The following C1GALT1 variants were observed in gnomAD, a reference collection of about 807,000 sequenced individuals.
The protein encoded by C1GALT1 is core 1 synthase, glycoprotein-N-acetylgalactosamine 3-beta-galactosyltransferase 1, also known as glycoprotein-N-acetylgalactosamine 3-beta-galactosyltransferase 1.
Under a neutral mutation model 31.0 loss-of-function variants are expected in C1GALT1, and 11 were observed. The ratio of observed to expected loss-of-function variants is 0.36; its 90% CI spans 0.22 to 0.59. The LOEUF (loss-of-function observed/expected upper bound fraction) is 0.59. C1GALT1 is among the 20% of genes least tolerant of loss of function. C1GALT1 has a pLI of 0.79. For missense variants in C1GALT1, 424 were observed against 425.2 expected (o/e 1.00, Z 0.03); for synonymous variants, 175 against 143.6 (o/e 1.22, Z -1.56).
At chr7:7,182,353 C>T (rs928478502), upstream of C1GALT1, among the ~76,000 whole-genome samples, 1 of 152,218 alleles carries the variant, frequency 6.6e-6, no homozygotes, top group African/African-American at 2.4e-5. Context: ...GAGTAGCAGA[C>T]ACAAGCCGCA....
chr7:7,207,335 C>CTTTTTTTTTTTTT lies in C1GALT1; in HGVS notation c.-18+24533_-18+24545dup, dbSNP rs57510429. ...TCTCTGTGTTTCTCTTACTCTGTTG[C>CTTTTTTTTTTTTT]TTTTTTTTTTTTTTTTTTTTTTTTT... On this transcript the variant is annotated intron_variant, in intron 1 of 3. Coordinates refer to ENST00000436587, the MANE Select transcript of C1GALT1 (RefSeq NM_020156.5). Among the ~76,000 whole-genome samples, 81 of 48,008 alleles carry CTTTTTTTTTTTTT rather than the reference C, an allele frequency of 1.7e-3. 31 individuals are homozygous for CTTTTTTTTTTTTT. The highest frequency in any genetic ancestry group is 2.3e-3 in the Non-Finnish European group (59 of 26,072). The allele number at this position is 48,008 out of a possible 152,430, so 31.5% of individuals were successfully genotyped here.
In C1GALT1 at chr7:7,247,522, A is replaced by T. The variant is rs1165010828; in HGVS notation, c.*3795A>T. ...ATACAGAATTGGATTTGAGCAGTAA[A>T]TTTGCTAACTGGTTATTTTCACAAT... On this transcript the variant is annotated 3_prime_UTR_variant, in exon 4 of 4. Transcript: ENST00000436587. 6.6e-6 allele frequency: 1 copy of T among 152,106 alleles called. No individual in the cohort carries two copies. Among genetic ancestry groups the T allele is most frequent in the Non-Finnish European group, 1.5e-5 (1 of 67,968 alleles). The allele number at this position is 152,106 out of a possible 1,614,324, so 9.4% of individuals were successfully genotyped here.
rs1175855361 is a variant in C1GALT1, at chr7:7,243,521, T to A, written c.889-3T>A. 1 of 1,585,446 alleles carries A rather than the reference T, an allele frequency of 6.3e-7. No individual in the cohort carries two copies. On this transcript the variant is annotated splice_region_variant and splice_polypyrimidine_tract_variant and intron_variant, in intron 3 of 3. Coordinates refer to ENST00000436587, the MANE Select transcript of C1GALT1 (RefSeq NM_020156.5). ...ACAATACCTGTTTCCACTACTTTTT[T>A]AGGGTCCTGGTTGCTGCTCTGATCT...
intron 1 of C1GALT1, among the ~76,000 whole-genome samples, chr7:7,197,943 G>T (rs1054184619): frequency 1.3e-5 from 2 of 152,148 alleles, no homozygotes; most frequent in African/African-American, 2.4e-5. Context: ...GGGCTGAGAC[G>T]ATGGGGTTTT....
chr7:7,236,901 G>T (rs1025437506), intron 2 of C1GALT1, among the ~76,000 whole-genome samples: 1 of 152,078 alleles, frequency 6.6e-6, no homozygotes, highest in Non-Finnish European at 1.5e-5. Context: ...TATATTATAT[G>T]CCTCCATTGT....
rs1411267763 is a variant in C1GALT1, at chr7:7,238,489, A to G, written c.455A>G (p.Gln152Arg). 3 of 1,614,096 alleles carry G rather than the reference A, an allele frequency of 1.9e-6. No individual in the cohort carries two copies. Among genetic ancestry groups the G allele is most frequent in the South Asian group, 2.2e-5 (2 of 91,080 alleles). ...QLYWKTIKAF[Q>R]YVHEHYLEDA... is the part of the protein sequence containing the mutation. The stretch of plus-strand genomic sequence containing the variant: ...TACTGGAAAACAATTAAAGCTTTTC[A>G]GTATGTTCATGAACATTATTTAGAA... The change falls in exon 3 of 4, where the codon CAG becomes CGG. Residue 152 changes from glutamine to arginine, a missense_variant. Around this residue, in one of 3 missense-constraint regions of C1GALT1, gnomAD observed 44 missense variants for 78.3 expected, o/e 0.56. Coordinates refer to ENST00000436587, the MANE Select transcript of C1GALT1 (RefSeq NM_020156.5). The surrounding 1 kb of genome is among the most constrained non-coding windows in gnomAD (Gnocchi z 5.2).
At chr7:7,163,764 G>T (rs1341320159) in intron 2 of C1GALT1, among the ~76,000 whole-genome samples, 2 of 152,134 alleles carry the variant, frequency 1.3e-5, no homozygotes, top group African/African-American at 4.8e-5. Context: ...TACAAGGGAC[G>T]TGAAGGACCT....
intron 1 of C1GALT1, among the ~76,000 whole-genome samples, chr7:7,203,213 T>C (rs949277550): frequency 6.6e-6 from 1 of 152,064 alleles, no homozygotes; most frequent in Non-Finnish European, 1.5e-5. Flanking sequence ...CTTTCCTAAT[T>C]GCTCTGGGTA....
rs188694315 is a variant in C1GALT1 at position 7,199,620 on chromosome 7, G to A, written c.-18+16800G>A. On this transcript the variant is annotated intron_variant, in intron 1 of 3. Transcript: ENST00000436587. Reference sequence around the variant, plus strand: ...TTACAACTTTCTGTCTCGTTGATCTGTCTAATGTTGACAGTGGAGTGTTAA... The same window carrying A: ...TTACAACTTTCTGTCTCGTTGATCTATCTAATGTTGACAGTGGAGTGTTAA... 3.8e-3 allele frequency among the ~76,000 whole-genome samples: 581 copies of A among 152,254 alleles called. 6 individuals are homozygous for A. Among genetic ancestry groups the A allele is most frequent in the African/African-American group, 0.013 (555 of 41,544 alleles).
At chr7:7,188,258 G>A (rs750943063) in intron 1 of C1GALT1, among the ~76,000 whole-genome samples, 16 of 152,148 alleles carry the variant, frequency 1.1e-4, no homozygotes, top group Non-Finnish European at 8.8e-5. Context: ...AGTGAAATAG[G>A]AACCCATTGG....
At position 7,238,746 on chromosome 7, in the gene C1GALT1, ATTGAAGAC is replaced by A. The variant is rs1562598392; in HGVS notation, c.715_722del (p.Glu239SerfsTer36). 6.2e-7 allele frequency: 1 copy of A among 1,613,910 alleles called. No individual in the cohort carries two copies. Among genetic ancestry groups the A allele is most frequent in the Admixed American group, 1.7e-5 (1 of 60,018 alleles). On this transcript the variant is annotated frameshift_variant, in exon 3 of 4. Coordinates refer to ENST00000436587, the MANE Select transcript of C1GALT1 (RefSeq NM_020156.5). LOFTEE classifies it high-confidence loss of function. The surrounding 1 kb of genome is among the most constrained non-coding windows in gnomAD (Gnocchi z 5.2). Reference sequence around the variant, plus strand: ...AGACAAGTGTACACATAGTTCCTCCATTGAAGACTTAGCACTGGGGAGATGCATGGAAA... The same window carrying A: ...AGACAAGTGTACACATAGTTCCTCCATTAGCACTGGGGAGATGCATGGAAA...
intron 2 of C1GALT1, among the ~76,000 whole-genome samples, chr7:7,236,792 G>A (rs1783377276): frequency 6.6e-6 from 1 of 152,260 alleles, no homozygotes; most frequent in South Asian, 2.1e-4. Flanking sequence ...CCAAAGTGCT[G>A]GGATTACAGG....
chr7:7,233,596 TA>T (rs1422304175), intron 1 of C1GALT1, among the ~76,000 whole-genome samples: 1 of 152,252 alleles, frequency 6.6e-6, no homozygotes, highest in Non-Finnish European at 1.5e-5. Context: ...TATAAAGGGC[TA>T]GGTACGGTTT....
chr7:7,183,678 C>A (rs1311825890), intron 1 of C1GALT1: 1 of 808,968 alleles, frequency 1.2e-6, no homozygotes, highest in Non-Finnish European at 1.5e-6. Flanking sequence ...CCCCACCCCC[C>A]ACCACCCCGC....
intron 2 of C1GALT1, among the ~76,000 whole-genome samples, chr7:7,172,646 A>G (rs1780466315): frequency 6.6e-6 from 1 of 152,194 alleles, no homozygotes; most frequent in South Asian, 2.1e-4. Flanking sequence ...AAAAATTAAC[A>G]GACTTTATTT....
chr7:7,171,988 T>C (rs2128227437), intron 2 of C1GALT1, among the ~76,000 whole-genome samples: 1 of 152,288 alleles, frequency 6.6e-6, no homozygotes, highest in South Asian at 2.1e-4. Context: ...AAATAAAAGG[T>C]AGAGTTACAA....
chr7:7,200,785 A>G (rs565877581), intron 1 of C1GALT1, among the ~76,000 whole-genome samples: 5 of 152,258 alleles, frequency 3.3e-5, no homozygotes, highest in East Asian at 1.9e-4. Flanking sequence ...CACCTGATCA[A>G]TTCGGCTACT....
intron 3 of C1GALT1, among the ~76,000 whole-genome samples, chr7:7,242,885 C>T (rs774994621): frequency 4.8e-4 from 73 of 152,074 alleles, no homozygotes; most frequent in Admixed American, 2.5e-3. Context: ...GTAATTTACA[C>T]ACATTGTCTC....
At chr7:7,230,053 T>C (rs1056614471) in intron 1 of C1GALT1, among the ~76,000 whole-genome samples, 1 of 152,206 alleles carries the variant, frequency 6.6e-6, no homozygotes, top group African/African-American at 2.4e-5. Context: ...CTCCTCTTCC[T>C]CTTAGGGTTT....
Sources: gnomAD v4.1 joint callset for allele counts (sites outside exome capture counted in the v4.1 genomes callset) on GRCh38, gnomAD v4.1.1 for gene constraint, gnomAD v4.1.1 regional missense constraint, Gnocchi (gnomAD v3.1) non-coding constraint, MANE v1.5 for transcripts, NCBI Gene and HGNC (gene_info 2026-07-23, HGNC 2026-07-21) for gene names.